The following TASP1 variants were observed in gnomAD, a reference collection of about 807,000 sequenced individuals.
TASP1 encodes the protein taspase 1.
TASP1 carries 16 observed loss-of-function variants against 56.6 expected under a neutral mutation model. The ratio of observed to expected loss-of-function variants is 0.28; its 90% CI spans 0.19 to 0.43. The LOEUF (loss-of-function observed/expected upper bound fraction) is 0.43. TASP1 is among the 20% of genes least tolerant of loss of function. The probability of loss-of-function intolerance (pLI) is 1.00; values close to 1 mark genes in which losing one functional copy is unlikely to be tolerated. For missense variants in TASP1, 393 were observed against 511.6 expected, an observed-to-expected ratio of 0.77 and a Z score of 2.24; for synonymous variants, 179 against 184.2, an observed-to-expected ratio of 0.97 and a Z score of 0.23.
At chr20:13,592,175 T>C (rs1455492176) in intron 4 of TASP1, among the ~76,000 whole-genome samples, 1 of 151,568 alleles carries the variant, frequency 6.6e-6, no homozygotes, top group East Asian at 1.9e-4. Flanking sequence ...AAGGCAGGCG[T>C]ATCACGAGGT....
chr20:13,306,494 G>A, the TASP1 span, among the ~76,000 whole-genome samples: 1 of 142,326 alleles, frequency 7.0e-6, no homozygotes, highest in Non-Finnish European at 1.5e-5. Context: ...AGATTTTGGT[G>A]GTGTTTTTTG....
At chr20:13,401,408 T>C (rs2041733463) in intron 13 of TASP1, among the ~76,000 whole-genome samples, 1 of 152,134 alleles carries the variant, frequency 6.6e-6, no homozygotes. Context: ...AGTCACTCAT[T>C]AAAGAGCTGT....
chr20:13,571,575 G>A lies in TASP1; in HGVS notation c.489-1989C>T, dbSNP rs73268982. ...ACCATCATCTGATACCTACAATGCT[G>A]CAGTGGCCCCACTATTTTTATGCTT... On this transcript the variant is annotated intron_variant, in intron 6 of 13. Transcript: ENST00000337743. 3.3e-3 allele frequency among the ~76,000 whole-genome samples: 505 copies of A among 152,212 alleles called. 2 individuals carry two copies. The highest frequency in any genetic ancestry group is 0.011 in the African/African-American group (470 of 41,510).
intron 4 of TASP1, among the ~76,000 whole-genome samples, chr20:13,617,642 G>A (rs1600178159): frequency 6.6e-6 from 1 of 152,230 alleles, no homozygotes; most frequent in East Asian, 1.9e-4. Flanking sequence ...AAATGTACAG[G>A]AAACTGGAGA....
At chr20:13,597,875 C>T (rs1299009092) in intron 4 of TASP1, among the ~76,000 whole-genome samples, 4 of 152,072 alleles carry the variant, frequency 2.6e-5, no homozygotes, top group East Asian at 1.9e-4. Context: ...ACAAGCATTC[C>T]TATACACCAA....
At chr20:13,473,977 G>A (rs951030992) in intron 11 of TASP1, among the ~76,000 whole-genome samples, 12 of 152,188 alleles carry the variant, frequency 7.9e-5, no homozygotes, top group African/African-American at 2.9e-4. Flanking sequence ...AGGAGGCTGA[G>A]GCGCAAGGAC....
the TASP1 span, among the ~76,000 whole-genome samples, chr20:13,307,876 G>T: frequency 6.6e-6 from 1 of 152,220 alleles, no homozygotes; most frequent in African/African-American, 2.4e-5. Context: ...CTTTCACAAA[G>T]AGTGCTACTA....
chr20:13,200,254 A>C, the TASP1 span, among the ~76,000 whole-genome samples: 1 of 152,210 alleles, frequency 6.6e-6, no homozygotes, highest in Non-Finnish European at 1.5e-5. Context: ...CATCACCTGC[A>C]TCAAATGAAT....
chr20:13,407,579 T>G (rs2041968241), intron 13 of TASP1, among the ~76,000 whole-genome samples: 1 of 152,220 alleles, frequency 6.6e-6, no homozygotes, highest in African/African-American at 2.4e-5. Context: ...TTTCATTTTC[T>G]TGGGCATATA....
At chr20:13,322,737 A>G in the TASP1 span, among the ~76,000 whole-genome samples, 1 of 152,172 alleles carries the variant, frequency 6.6e-6, no homozygotes, top group African/African-American at 2.4e-5. Context: ...GGGGTGGAAT[A>G]TGTGATCTTT....
intron 4 of TASP1, among the ~76,000 whole-genome samples, chr20:13,597,269 T>C (rs1268527997): frequency 2.0e-5 from 3 of 152,174 alleles, no homozygotes; most frequent in Non-Finnish European, 4.4e-5. Context: ...TGAACATCGA[T>C]GCAAAAATCC....
chr20:13,286,023 C>G, the TASP1 span, among the ~76,000 whole-genome samples: 1 of 152,200 alleles, frequency 6.6e-6, no homozygotes, highest in Non-Finnish European at 1.5e-5. Flanking sequence ...ACCCACCCCA[C>G]AGGTGATGCA....
intron 5 of TASP1, among the ~76,000 whole-genome samples, chr20:13,585,644 A>G (rs1045161967): frequency 2.0e-5 from 3 of 152,146 alleles, no homozygotes; most frequent in African/African-American, 7.2e-5. Flanking sequence ...ATAAATCACT[A>G]GGGACACTCA....
chr20:13,431,136 T>A (rs974811914), intron 12 of TASP1, among the ~76,000 whole-genome samples: 67 of 150,826 alleles, frequency 4.4e-4, no homozygotes, highest in African/African-American at 1.6e-3. Flanking sequence ...TTTTTTTTTT[T>A]AATTTTGGAA....
At chr20:13,468,094 A>G (rs566023579) in intron 11 of TASP1, among the ~76,000 whole-genome samples, 1 of 152,306 alleles carries the variant, frequency 6.6e-6, no homozygotes, top group South Asian at 2.1e-4. Context: ...CAGCAAACAC[A>G]CTGAAAATTT....
chr20:13,296,445 G>A, the TASP1 span, among the ~76,000 whole-genome samples: 2 of 152,220 alleles, frequency 1.3e-5, no homozygotes, highest in Non-Finnish European at 2.9e-5. Context: ...GGCAAGGGAT[G>A]TTATCTCCCT....
At chr20:13,313,831 C>G in the TASP1 span, among the ~76,000 whole-genome samples, 1 of 152,044 alleles carries the variant, frequency 6.6e-6, no homozygotes, top group Non-Finnish European at 1.5e-5. Context: ...ATTGTTAGGC[C>G]AGGAATTTAA....
At chr20:13,146,869 A>G in the TASP1 span, among the ~76,000 whole-genome samples, 1 of 152,148 alleles carries the variant, frequency 6.6e-6, no homozygotes, top group Non-Finnish European at 1.5e-5. Flanking sequence ...AACTTTGATA[A>G]TCTCCTAGGC....
the TASP1 span, among the ~76,000 whole-genome samples, chr20:13,276,433 AC>A: frequency 6.6e-6 from 1 of 152,124 alleles, no homozygotes. Flanking sequence ...GTGCATTGGA[AC>A]TTTTCCTCGT....
Sources: gnomAD v4.1 joint callset for allele counts (sites outside exome capture counted in the v4.1 genomes callset) on GRCh38, gnomAD v4.1.1 for gene constraint, MANE v1.5 for transcripts, NCBI Gene and HGNC (gene_info 2026-07-23, HGNC 2026-07-21) for gene names.